The following ZNF280D variants were observed in gnomAD, a reference collection of about 807,000 sequenced individuals.
ZNF280D encodes zinc finger protein 280D.
In ZNF280D, 39 loss-of-function variants were observed where a neutral mutation model predicts 94.7. That is an observed-to-expected ratio of 0.41 (90% confidence interval 0.32 to 0.54). The LOEUF (loss-of-function observed/expected upper bound fraction) is 0.54. ZNF280D is among the 20% of genes least tolerant of loss of function. The pLI is 0.22. For missense variants in ZNF280D, 1,090 were observed against 1,149.3 expected, an observed-to-expected ratio of 0.95 and a Z score of 0.75; for synonymous variants, 398 against 377.6, an observed-to-expected ratio of 1.05 and a Z score of -0.63.
rs2059010153 is a variant in ZNF280D at position 56,733,494 on chromosome 15, G to GGAGGAGGAGAAA, written c.-134_-123dup. 8.8e-7 allele frequency: 1 copy of GGAGGAGGAGAAA among 1,137,862 alleles called. No individual in the cohort carries two copies. Among genetic ancestry groups the GGAGGAGGAGAAA allele is most frequent in the Admixed American group, 4.5e-5 (1 of 22,118 alleles). The allele number at this position is 1,137,862 out of a possible 1,614,324, so 70.5% of individuals were successfully genotyped here. Reference sequence around the variant, plus strand: ...CGGATCGGCCTGACTGGAGCCCTGAGGAGGAGGAGAAAGAGGAGGAGGAAA... The same window carrying GGAGGAGGAGAAA: ...CGGATCGGCCTGACTGGAGCCCTGAGGAGGAGGAGAAAGAGGAGGAGAAAGAGGAGGAGGAAA... On this transcript the variant is annotated 5_prime_UTR_variant, in exon 1 of 22. Transcript: ENST00000267807.
intron 1 of ZNF280D, among the ~76,000 whole-genome samples, chr15:56,719,060 A>G (rs77926928): frequency 2.0e-5 from 3 of 152,308 alleles, no homozygotes; most frequent in Non-Finnish European, 4.4e-5. Context: ...AGTCCCACAG[A>G]AACTGTTCCC....
chr15:56,674,859 T>A (rs1375273963), intron 13 of ZNF280D, among the ~76,000 whole-genome samples: 2 of 151,980 alleles, frequency 1.3e-5, no homozygotes, highest in African/African-American at 4.8e-5. Context: ...GACATAATAA[T>A]ATAATCTTTA....
At chr15:56,657,542 T>C (rs1161118957) in intron 17 of ZNF280D, among the ~76,000 whole-genome samples, 1 of 152,108 alleles carries the variant, frequency 6.6e-6, no homozygotes, top group African/African-American at 2.4e-5. Flanking sequence ...AAGAGAACAA[T>C]GGCTAATCAT....
At chr15:56,677,980 C>T (rs1375730682) in intron 11 of ZNF280D, among the ~76,000 whole-genome samples, 3 of 151,008 alleles carry the variant, frequency 2.0e-5, no homozygotes, top group African/African-American at 7.3e-5. Context: ...ACCAAGCTAT[C>T]TTGCTCCAAC....
Position 56,702,580 on chromosome 15 carries a change from CTGTCATGTT to C in ZNF280D, c.176-1351_176-1343del, listed in dbSNP as rs1596566471. ...AGTATAAATTCACCTTGAATCTTAA[CTGTCATGTT>C]TTCAATAAGAGTTTGAATTTTGCAA... On this transcript the variant is annotated intron_variant, in intron 4 of 21. Coordinates refer to ENST00000267807, the MANE Select transcript of ZNF280D (RefSeq NM_017661.4). Among the ~76,000 whole-genome samples the C allele has an allele frequency of 2.6e-5, 4 of 152,262 alleles. No homozygotes were observed. The East Asian group carries it at 7.7e-4, about 29-fold the overall frequency.
chr15:56,731,632 T>C (rs1451858120), intron 1 of ZNF280D, among the ~76,000 whole-genome samples: 2 of 152,116 alleles, frequency 1.3e-5, no homozygotes, highest in African/African-American at 4.8e-5. Flanking sequence ...GATTGCGGTA[T>C]TGTTACACAG....
chr15:56,709,240 C>G (rs1360667553), intron 1 of ZNF280D, among the ~76,000 whole-genome samples: 3 of 152,102 alleles, frequency 2.0e-5, no homozygotes, highest in African/African-American at 7.3e-5. Context: ...TTTATGCAGC[C>G]AACAGACACA....
intron 19 of ZNF280D, chr15:56,653,480 ACAGT>A (rs1476204985): frequency 2.7e-5 from 40 of 1,509,016 alleles, no homozygotes; most frequent in Middle Eastern, 3.4e-4. Flanking sequence ...AGCAGGTCCC[ACAGT>A]CAAATTATTC....
In ZNF280D at chr15:56,676,799, T is replaced by C. The variant is rs2055261270; in HGVS notation, c.1281A>G (p.Ser427=). 1 of 1,599,770 alleles carries C rather than the reference T, an allele frequency of 6.3e-7. No individual in the cohort carries two copies. Among genetic ancestry groups the C allele is most frequent in the Admixed American group, 1.7e-5 (1 of 58,080 alleles). Residue 427 remains serine (S), a synonymous_variant, in exon 13 of 22, where the codon TCA becomes TCG. Transcript: ENST00000267807. ...PYVCQVCNYR[S]SSFSDVETHF... The stretch of plus-strand genomic sequence containing the variant: ...GAGTTTCTACATCAGAAAATGATGA[T>C]GATCTATAATTACAAACCTAAAAAA...
At chr15:56,637,374 G>T (rs1449207870) in intron 20 of ZNF280D, among the ~76,000 whole-genome samples, 1 of 150,972 alleles carries the variant, frequency 6.6e-6, no homozygotes, top group Admixed American at 6.6e-5. Context: ...TAGAGACGAA[G>T]TCTCCAGTGT....
At chr15:56,692,367 A>C (rs925130292) in intron 7 of ZNF280D, among the ~76,000 whole-genome samples, 1 of 152,100 alleles carries the variant, frequency 6.6e-6, no homozygotes, top group Non-Finnish European at 1.5e-5. Context: ...TAAAAATTCC[A>C]AAAAATCATG....
intron 16 of ZNF280D, 89 bp from the exon 17 acceptor site, chr15:56,658,575 T>C (rs1233242226): frequency 1.0e-5 from 9 of 859,498 alleles, no homozygotes; most frequent in South Asian, 8.1e-5. Context: ...CTTAAGTTTC[T>C]AGTTTGTAAT....
chr15:56,705,452 T>C (rs989112813), intron 3 of ZNF280D, among the ~76,000 whole-genome samples: 1 of 152,242 alleles, frequency 6.6e-6, no homozygotes, highest in African/African-American at 2.4e-5. Flanking sequence ...TCAAGTTGAA[T>C]AATTCAAATC....
chr15:56,652,941 T>C, intron 19 of ZNF280D: 1 of 924,708 alleles, frequency 1.1e-6, no homozygotes, highest in Non-Finnish European at 1.3e-6. Context: ...AAATTTTAAA[T>C]AATATAATAT....
chr15:56,666,902 G>A lies in ZNF280D; in HGVS notation c.1630C>T (p.Leu544Phe). The A allele has an allele frequency of 6.2e-7, 1 of 1,613,758 alleles. No individual in the cohort carries two copies. The highest frequency in any genetic ancestry group is 8.5e-7 in the Non-Finnish European group (1 of 1,179,836). Residue 544 changes from leucine (L) to phenylalanine (F), a missense_variant, in exon 15 of 22, where the codon CTC becomes TTC. This residue lies in a region of ZNF280D where 577 missense variants were observed against 568.8 expected (regional missense o/e 1.01). Transcript: ENST00000267807. ...ATATTTTTAGTCCTTGGAGGTGAGA[G>A]CTGAAGGGTAGAAGCACTTGCACTA... ...SISASASTLQ[L>F]SPPRTKNITA...
At chr15:56,722,456 C>G (rs999737681) in intron 1 of ZNF280D, among the ~76,000 whole-genome samples, 18 of 152,100 alleles carry the variant, frequency 1.2e-4, no homozygotes, top group African/African-American at 3.6e-4. Flanking sequence ...ATATCTTCCC[C>G]TGAAAAATTA....
intron 16 of ZNF280D, among the ~76,000 whole-genome samples, chr15:56,665,643 G>C (rs1596405478): frequency 7.3e-6 from 1 of 136,454 alleles, no homozygotes; most frequent in African/African-American, 2.7e-5. Flanking sequence ...GTCTCTCAAA[G>C]TGACTGCTTT....
Position 56,689,326 on chromosome 15 carries a change from G to A in ZNF280D, c.644C>T (p.Thr215Ile), listed in dbSNP as rs1224922899. ...VLPSVKSPSV[T>I]SSQAMLAKGT... Reference sequence around the variant, plus strand: ...TTTTGCTAGCATAGCCTGGGAAGAAGTCACTGAAGGAGATTTAACTGAAGG... The same window carrying A: ...TTTTGCTAGCATAGCCTGGGAAGAAATCACTGAAGGAGATTTAACTGAAGG... The change falls in exon 8 of 22, where the codon ACT (threonine) becomes ATT (isoleucine). Residue 215 changes from threonine (T) to isoleucine (I), a missense_variant. By Grantham distance (89) the Thr-to-Ile change is moderately conservative (BLOSUM62 -1). Coordinates refer to ENST00000267807, the MANE Select transcript of ZNF280D (RefSeq NM_017661.4). 7 of 1,605,318 alleles carry A rather than the reference G, an allele frequency of 4.4e-6. 1 individual carries two copies. The highest frequency in any genetic ancestry group is 3.4e-5 in the Admixed American group (2 of 58,444).
chr15:56,686,283 G>A (rs765767307), intron 9 of ZNF280D, among the ~76,000 whole-genome samples: 12 of 152,106 alleles, frequency 7.9e-5, no homozygotes, highest in Non-Finnish European at 1.3e-4. Flanking sequence ...GACTACAGGC[G>A]TGTGTCACCA....
Sources: allele counts gnomAD v4.1 joint callset (sites outside exome capture counted in the v4.1 genomes callset), GRCh38; gene constraint gnomAD v4.1.1; regional missense constraint gnomAD v4.1.1; transcripts MANE v1.5; gene names NCBI Gene and HGNC (gene_info 2026-07-23, HGNC 2026-07-21).